The following PRDM2 variants were observed in gnomAD, a reference collection of about 807,000 sequenced individuals.
The protein encoded by PRDM2 is PR/SET domain 2.
In PRDM2, 30 loss-of-function variants were observed where a neutral mutation model predicts 130.0. The ratio of observed to expected loss-of-function variants is 0.23; its 90% CI spans 0.17 to 0.31. The LOEUF (loss-of-function observed/expected upper bound fraction) is 0.31, where lower values mean the gene tolerates loss of function less well. Ranked by LOEUF, PRDM2 falls within the 10% of genes least tolerant of loss-of-function variation. The pLI, the probability that PRDM2 is intolerant of heterozygous loss-of-function variation, is 1.00. For synonymous variants in PRDM2, 871 were observed against 782.4 expected (o/e 1.11, Z -1.89); for missense variants, 2,011 against 2,108.4 (o/e 0.95, Z 0.90).
intron 8 of PRDM2, chr1:13,786,411 TTAA>T: frequency 1.3e-6 from 2 of 1,482,154 alleles, no homozygotes; most frequent in Non-Finnish European, 9.3e-7. Context: ...TGTTGTCGTC[TTAA>T]TAACATTTGT....
intron 1 of PRDM2, among the ~76,000 whole-genome samples, chr1:13,708,167 A>T (rs1339210831): frequency 6.6e-6 from 1 of 152,012 alleles, no homozygotes; most frequent in Non-Finnish European, 1.5e-5. Context: ...GATTTTGAAA[A>T]TTTCCCCTTT....
chr1:13,817,679 T>A (rs1236974285), intron 9 of PRDM2, among the ~76,000 whole-genome samples: 1 of 151,752 alleles, frequency 6.6e-6, no homozygotes, highest in Non-Finnish European at 1.5e-5. Flanking sequence ...TGGACTATAG[T>A]ACGAATAGGG....
intron 2 of PRDM2, among the ~76,000 whole-genome samples, chr1:13,722,295 C>G (rs1642756051): frequency 6.6e-6 from 1 of 152,082 alleles, no homozygotes; most frequent in African/African-American, 2.4e-5. Flanking sequence ...GGGATTTGAA[C>G]TTGACCTGGA....
At chr1:13,718,366 G>A (rs1642612713) in intron 2 of PRDM2, among the ~76,000 whole-genome samples, 1 of 152,146 alleles carries the variant, frequency 6.6e-6, no homozygotes, top group South Asian at 2.1e-4. Flanking sequence ...TTCAGGGACT[G>A]CAGGATCCTC....
chr1:13,777,567 C>G (rs1025830752), intron 7 of PRDM2, among the ~76,000 whole-genome samples: 3 of 140,656 alleles, frequency 2.1e-5, no homozygotes, highest in African/African-American at 8.0e-5. Context: ...TTGAATGCAT[C>G]TAGTATGTTC....
At chr1:13,756,262 C>CAAA (rs1288638873) in intron 6 of PRDM2, among the ~76,000 whole-genome samples, 1 of 79,682 alleles carries the variant, frequency 1.3e-5, no homozygotes, top group African/African-American at 4.6e-5. Context: ...GACTCCTTCT[C>CAAA]AAAAAAAAAA....
chr1:13,812,423 G>A (rs983921773), intron 8 of PRDM2, among the ~76,000 whole-genome samples: 3 of 152,196 alleles, frequency 2.0e-5, no homozygotes, highest in Admixed American at 1.3e-4. Context: ...TGGCCAATCC[G>A]AAGCAGCAAA....
chr1:13,758,615 T>A lies in PRDM2; in HGVS notation c.511+9128T>A, dbSNP rs1220608354. ...TCTGAAAAATAGGAGAAGGTAACTT[T>A]GTTTAAAAGGTTAAAACTTGGTGCG... On this transcript the variant is annotated intron_variant, in intron 6 of 9. Transcript: ENST00000311066. 4.6e-5 allele frequency among the ~76,000 whole-genome samples: 7 copies of A among 152,338 alleles called. No individual in the cohort carries two copies. In the South Asian group the frequency reaches 1.2e-3, roughly 27 times the overall value.
chr1:13,822,784 G>A (rs1212340467), intron 9 of PRDM2, among the ~76,000 whole-genome samples: 2 of 152,186 alleles, frequency 1.3e-5, no homozygotes, highest in South Asian at 2.1e-4. Flanking sequence ...ACAAACACTC[G>A]GTGGAAAAAG....
intron 6 of PRDM2, among the ~76,000 whole-genome samples, chr1:13,753,254 CAG>C (rs1455473237): frequency 1.3e-5 from 2 of 152,170 alleles, no homozygotes; most frequent in African/African-American, 2.4e-5. Context: ...GTGAAGAAGA[CAG>C]AAAGTTTATT....
At chr1:13,707,251 CACT>C (rs1642236818) in intron 1 of PRDM2, among the ~76,000 whole-genome samples, 1 of 152,176 alleles carries the variant, frequency 6.6e-6, no homozygotes, top group African/African-American at 2.4e-5. Flanking sequence ...GTGCCAGGAC[CACT>C]ACCCTGCCCG....
intron 2 of PRDM2, among the ~76,000 whole-genome samples, chr1:13,728,607 C>T (rs919025169): frequency 1.3e-5 from 2 of 151,692 alleles, no homozygotes; most frequent in South Asian, 2.1e-4. Flanking sequence ...GTGAAGGATA[C>T]GACAATAACA....
chr1:13,787,227 T>C (rs1644760177), intron 8 of PRDM2: 2 of 983,884 alleles, frequency 2.0e-6, no homozygotes, highest in Non-Finnish European at 2.4e-6. Flanking sequence ...TATTATATTA[T>C]CAGAGACTAT....
intron 5 of PRDM2, 60 bp from the exon 6 acceptor site, chr1:13,749,301 C>T: frequency 1.5e-6 from 2 of 1,325,920 alleles, no homozygotes; most frequent in Non-Finnish European, 2.0e-6. Context: ...GTGCGCGCCC[C>T]GCCCCCGCCA....
chr1:13,780,485 A>G lies in PRDM2; in HGVS notation c.2690A>G (p.Asn897Ser). ...CAGAAGGTTCTTCTCAATGAATATA[A>G]TGGCATCGATTTACCTGTAGAAAAC... ...MLQKVLLNEY[N>S]GIDLPVENPA... Residue 897 changes from asparagine (N) to serine (S), a missense_variant, in exon 8 of 10, where the codon AAT (asparagine) becomes AGT (serine). Coordinates refer to ENST00000311066, the MANE Select transcript of PRDM2 (RefSeq NM_001393986.1). 3 of 1,614,164 alleles carry G rather than the reference A, an allele frequency of 1.9e-6. No homozygotes were observed. Among genetic ancestry groups the G allele is most frequent in the Non-Finnish European group, 2.5e-6 (3 of 1,180,028 alleles).
intron 8 of PRDM2, among the ~76,000 whole-genome samples, chr1:13,800,821 G>A (rs932143801): frequency 6.6e-6 from 1 of 152,182 alleles, no homozygotes; most frequent in Admixed American, 6.5e-5. Flanking sequence ...TCTCATAAGA[G>A]CCTCTCTGGA....
chr1:13,730,064 A>T (rs1292534843), intron 2 of PRDM2, among the ~76,000 whole-genome samples: 1 of 152,198 alleles, frequency 6.6e-6, no homozygotes, highest in Non-Finnish European at 1.5e-5. Flanking sequence ...TGGTTCATTT[A>T]AAAGTCCTGG....
intron 5 of PRDM2, among the ~76,000 whole-genome samples, chr1:13,748,117 A>G (rs990491304): frequency 2.6e-5 from 4 of 152,200 alleles, no homozygotes; most frequent in African/African-American, 9.7e-5. Context: ...TTGGGCAGAA[A>G]TCTACCAGAA....
At chr1:13,783,811 GT>G (rs1447864281) in intron 8 of PRDM2, among the ~76,000 whole-genome samples, 40 of 152,200 alleles carry the variant, frequency 2.6e-4, no homozygotes, top group Admixed American at 2.2e-3. Context: ...TTTAAGTCTT[GT>G]CTTTTCACAG....
Sources: gnomAD v4.1 joint callset for allele counts (sites outside exome capture counted in the v4.1 genomes callset) on GRCh38, gnomAD v4.1.1 for gene constraint, MANE v1.5 for transcripts, NCBI Gene and HGNC (gene_info 2026-07-23, HGNC 2026-07-21) for gene names.